The following MMEL1 variants were observed in gnomAD, a reference collection of about 807,000 sequenced individuals.
MMEL1 encodes the protein membrane metalloendopeptidase like 1.
In MMEL1, 98 loss-of-function variants were observed where a neutral mutation model predicts 117.1. The ratio of observed to expected loss-of-function variants is 0.84; its 90% CI spans 0.71 to 0.99. The LOEUF (loss-of-function observed/expected upper bound fraction) is 0.99. Among genes scored for constraint, MMEL1 ranks in the 50% least tolerant of loss-of-function variants. The pLI is 0.00. For missense variants in MMEL1, 1,014 were observed against 1,049.1 expected (o/e 0.97, Z 0.46); for synonymous variants, 390 against 415.1 (o/e 0.94, Z 0.74).
At chr1:2,608,876 A>G (rs1446417183) in intron 6 of MMEL1, among the ~76,000 whole-genome samples, 1 of 151,958 alleles carries the variant, frequency 6.6e-6, no homozygotes, top group Non-Finnish European at 1.5e-5. Context: ...TGCACAAACC[A>G]CATGTAACAT....
At chr1:2,604,981 G>A (rs1425940504) in intron 9 of MMEL1, among the ~76,000 whole-genome samples, 1 of 152,192 alleles carries the variant, frequency 6.6e-6, no homozygotes, top group Non-Finnish European at 1.5e-5. Flanking sequence ...ACCTCCACCA[G>A]GAGGCCCCCT....
At chr1:2,604,532 A>G (rs995365820) in intron 9 of MMEL1, among the ~76,000 whole-genome samples, 6 of 152,052 alleles carry the variant, frequency 3.9e-5, no homozygotes, top group African/African-American at 4.8e-5. Context: ...GTGGCTGCCT[A>G]TAAGGGTTTG....
Position 2,609,369 on chromosome 1 carries a change from T to C in MMEL1, c.505A>G (p.Arg169Gly). Residue 169 changes from arginine (R) to glycine (G), a missense_variant, in exon 6 of 24, where the codon AGG becomes GGG. By Grantham distance (125) the Arg-to-Gly change is moderately radical (BLOSUM62 -2). Transcript: ENST00000378412. ...TTCATGCAGGAGCGGTACAGCGTCC[T>C]GGCCTTCTCCACAGCCGGCCGGTCC... ...AKDRPAVEKA[R>G]TLYRSCMNQS... The C allele has an allele frequency of 6.2e-7, 1 of 1,612,208 alleles. No homozygotes were observed. Among genetic ancestry groups the C allele is most frequent in the African/African-American group, 1.3e-5 (1 of 75,006 alleles).
chr1:2,608,799 T>C (rs146957001), intron 6 of MMEL1, among the ~76,000 whole-genome samples: 114 of 152,124 alleles, frequency 7.5e-4, no homozygotes, highest in African/African-American at 2.7e-3. Context: ...CGCATGCATA[T>C]ACATATACAC....
At chr1:2,631,889 G>T (rs1054522359) in intron 1 of MMEL1, among the ~76,000 whole-genome samples, 3 of 152,132 alleles carry the variant, frequency 2.0e-5, no homozygotes, top group Admixed American at 1.3e-4. Flanking sequence ...CCCCCTGAGG[G>T]GTCTGTCTCA....
Position 2,595,152 on chromosome 1 carries a change from G to A in MMEL1, c.1584+124C>T, listed in dbSNP as rs1206510070. ...TGCTGGAGCCACCACCCTAGGGCAC[G>A]GTGAGGACAGCTGTGTTAGCGCCTG... On this transcript the variant is annotated intron_variant, in intron 16 of 23. Transcript: ENST00000378412. The surrounding 1 kb of genome is among the most constrained non-coding windows in gnomAD (Gnocchi z 4.8). The A allele has an allele frequency of 3.3e-5, 29 of 871,288 alleles. No individual in the cohort carries two copies. The highest frequency in any genetic ancestry group is 4.5e-5 in the Non-Finnish European group (25 of 550,564). The allele number at this position is 871,288 out of a possible 1,614,324, so 54.0% of individuals were successfully genotyped here. A position where few individuals can be genotyped will look rare whatever the true frequency, so the allele number is the denominator to read the frequency against.
intron 11 of MMEL1, among the ~76,000 whole-genome samples, chr1:2,599,434 GAAAAT>G (rs1215360683): frequency 1.3e-5 from 2 of 152,152 alleles, no homozygotes; most frequent in Non-Finnish European, 2.9e-5. Flanking sequence ...TGTAACATTT[GAAAAT>G]AAAATAATTT....
chr1:2,600,058 C>T (rs940193120), intron 11 of MMEL1, among the ~76,000 whole-genome samples: 36 of 151,970 alleles, frequency 2.4e-4, no homozygotes, highest in Non-Finnish European at 3.5e-4. Context: ...ACCTCTGACC[C>T]CTGGGTTCAA....
At chr1:2,628,605 G>A (rs896037084) in intron 2 of MMEL1, among the ~76,000 whole-genome samples, 2 of 152,006 alleles carry the variant, frequency 1.3e-5, no homozygotes, top group African/African-American at 4.8e-5. Flanking sequence ...GGCAGGGGCG[G>A]CTGGAAGGTG....
chr1:2,596,191 TGAGCCCCG>T, intron 14 of MMEL1, 84 bp from the exon 15 acceptor site: 1 of 1,285,416 alleles, frequency 7.8e-7, no homozygotes, highest in Non-Finnish European at 1.1e-6. Context: ...AGGTCTGGTC[TGAGCCCCG>T]CCGGGGCAAG....
intron 11 of MMEL1, among the ~76,000 whole-genome samples, chr1:2,600,715 C>T (rs1182248294): frequency 1.1e-5 from 1 of 94,668 alleles, no homozygotes; most frequent in Non-Finnish European, 2.8e-5. Flanking sequence ...CAAAACCCAA[C>T]CCCCCTGTTT....
intron 2 of MMEL1, among the ~76,000 whole-genome samples, chr1:2,622,513 TA>T (rs1645305095): frequency 6.6e-6 from 1 of 152,166 alleles, no homozygotes; most frequent in Non-Finnish European, 1.5e-5. Context: ...TTCATGAGGA[TA>T]GGGGAAGATC....
intron 2 of MMEL1, among the ~76,000 whole-genome samples, chr1:2,615,182 C>G (rs1315766492): frequency 1.3e-5 from 2 of 152,190 alleles, no homozygotes; most frequent in Non-Finnish European, 2.9e-5. Flanking sequence ...CAGGTGTGAG[C>G]TGCACACAGT....
intron 1 of MMEL1, among the ~76,000 whole-genome samples, chr1:2,632,332 C>T (rs1456388738): frequency 6.6e-6 from 1 of 152,186 alleles, no homozygotes; most frequent in Non-Finnish European, 1.5e-5. Context: ...CCTAGACTGG[C>T]ACCCCCACCC....
chr1:2,591,942 TTGA>T lies in MMEL1; in HGVS notation c.2150_2152del (p.Ile717del), dbSNP rs1345624037. On this transcript the variant is annotated inframe_deletion, in exon 22 of 24. Transcript: ENST00000378412. ...GACTGCGGCTGCCACCTGGGCATAG[TTGA>T]TGAAGAAGAGCTGCTCATGGGTGAG... is the stretch of plus-strand genomic sequence containing the variant. 4.3e-6 allele frequency: 7 copies of T among 1,613,178 alleles called. No homozygotes were observed. The highest frequency in any genetic ancestry group is 5.1e-6 in the Non-Finnish European group (6 of 1,179,766).
Position 2,611,290 on chromosome 1 carries a change from C to A in MMEL1, c.283G>T (p.Val95Leu). Reference sequence around the variant, plus strand: ...AGGGGGCGGGGCTTACCTGCTATCACGCAGCCAGGGGTGGTGCAGACCTCG... The same window carrying A: ...AGGGGGCGGGGCTTACCTGCTATCAAGCAGCCAGGGGTGGTGCAGACCTCG... ...VSEVCTTPGCVIAAARILQNM... is the reference protein window; with the variant it reads ...VSEVCTTPGCLIAAARILQNM... The change falls in exon 4 of 24, where the codon GTG (valine) becomes TTG (leucine). Residue 95 changes from valine (V) to leucine (L), a missense_variant. Transcript: ENST00000378412. 1 of 1,579,328 alleles carries A rather than the reference C, an allele frequency of 6.3e-7. No homozygotes were observed. The highest frequency in any genetic ancestry group is 8.6e-7 in the Non-Finnish European group (1 of 1,164,458).
Position 2,595,322 on chromosome 1 carries a change from T to A in MMEL1, c.1538A>T (p.Tyr513Phe), listed in dbSNP as rs996767136. The change falls in exon 16 of 24, where the codon TAC (tyrosine) becomes TTC (phenylalanine). Residue 513 changes from tyrosine to phenylalanine, a missense_variant. Coordinates refer to ENST00000378412, the MANE Select transcript of MMEL1 (RefSeq NM_033467.4). This position sits in a 1 kb window ranked among gnomAD's most constrained non-coding sequence, Gnocchi z 4.8. ...GCGCCTGTTCATCTCCTCCAGGATG[T>A]AGTCAGGGTGCCCGATCTGCTCCCG... ...SIREQIGHPD[Y>F]ILEEMNRRLD... 6.2e-7 allele frequency: 1 copy of A among 1,613,716 alleles called. No homozygotes were observed. The highest frequency in any genetic ancestry group is 8.5e-7 in the Non-Finnish European group (1 of 1,179,972).
At chr1:2,592,168 C>T (rs975701881) in intron 21 of MMEL1, 141 bp from the exon 22 acceptor site, 4 of 671,528 alleles carry the variant, frequency 6.0e-6, no homozygotes, top group African/African-American at 1.8e-5. Flanking sequence ...TCACACACCC[C>T]ACGGATGAGC....
intron 6 of MMEL1, among the ~76,000 whole-genome samples, chr1:2,607,576 G>A (rs1160106656): frequency 6.6e-6 from 1 of 152,108 alleles, no homozygotes; most frequent in Non-Finnish European, 1.5e-5. Flanking sequence ...TTTTGCAGTC[G>A]AAGATTAGGT....
Sources: allele counts gnomAD v4.1 joint callset (sites outside exome capture counted in the v4.1 genomes callset), GRCh38; gene constraint gnomAD v4.1.1; non-coding constraint Gnocchi (gnomAD v3.1); transcripts MANE v1.5; gene names NCBI Gene and HGNC (gene_info 2026-07-23, HGNC 2026-07-21).